WDHD1: variants seen among roughly 807,000 people sequenced by gnomAD.
The protein encoded by WDHD1 is WD repeat and HMG-box DNA binding protein 1.
WDHD1 carries 111 observed loss-of-function variants against 135.4 expected under a neutral mutation model. The ratio of observed to expected loss-of-function variants is 0.82; its 90% CI spans 0.70 to 0.96. WDHD1 has a LOEUF of 0.96. Among genes scored for constraint, WDHD1 ranks in the 40% least tolerant of loss-of-function variants. WDHD1 has a pLI of 0.00. For synonymous variants in WDHD1, 434 were observed against 439.0 expected (o/e 0.99, Z 0.14); for missense variants, 1,351 against 1,336.3 (o/e 1.01, Z -0.17).
chr14:55,003,385 C>T (rs867443659), intron 7 of WDHD1, among the ~76,000 whole-genome samples: 18 of 151,896 alleles, frequency 1.2e-4, no homozygotes, highest in Non-Finnish European at 2.4e-4. Context: ...TGGGCGCGTG[C>T]CTCTAGTCCC....
chr14:55,012,333 A>G (rs1006110602), intron 3 of WDHD1, among the ~76,000 whole-genome samples: 1 of 152,172 alleles, frequency 6.6e-6, no homozygotes, highest in African/African-American at 2.4e-5. Flanking sequence ...TTTTCTACCT[A>G]AACACAATAC....
At chr14:55,008,207 G>A in intron 6 of WDHD1, 109 bp downstream of exon 6, 1 of 1,112,328 alleles carries the variant, frequency 9.0e-7, no homozygotes. Flanking sequence ...TGGTACCAAA[G>A]AAACAAATTC....
chr14:54,983,693 AT>A (rs1308414738), intron 15 of WDHD1, among the ~76,000 whole-genome samples: 18 of 138,996 alleles, frequency 1.3e-4, no homozygotes, highest in Middle Eastern at 3.6e-3. Flanking sequence ...AAAAAAAAAA[AT>A]TTTAAATAGA....
intron 7 of WDHD1, among the ~76,000 whole-genome samples, chr14:55,003,179 G>C (rs1198229291): frequency 6.6e-6 from 1 of 151,920 alleles, no homozygotes; most frequent in African/African-American, 2.4e-5. Flanking sequence ...ATTTCCTTGA[G>C]CTCAATTATC....
rs752764070 is a variant in WDHD1, at chr14:54,987,302, T to C, written c.1612A>G (p.Ile538Val). Reference protein sequence around the residue: ...DLPQNEDIEAICLGQGWAAAA... With the variant: ...DLPQNEDIEAVCLGQGWAAAA... ...GCAGCCCATCCTTGACCGAGACATATGGCTTCAATATCCTCATTCTGAGGC... is the reference window on the plus strand; with the variant it reads ...GCAGCCCATCCTTGACCGAGACATACGGCTTCAATATCCTCATTCTGAGGC... Residue 538 changes from isoleucine to valine, a missense_variant, in exon 14 of 26, where the codon ATA becomes GTA. This residue lies in a region of WDHD1 where 1,330 missense variants were observed against 1,296.1 expected (regional missense o/e 1.03). Coordinates refer to ENST00000360586, the MANE Select transcript of WDHD1 (RefSeq NM_007086.4). 1.3e-5 allele frequency: 21 copies of C among 1,613,954 alleles called. No individual in the cohort carries two copies. The East Asian group carries it at 2.0e-4, about 15-fold the overall frequency.
chr14:54,989,179 T>C lies in WDHD1; in HGVS notation c.1375A>G (p.Asn459Asp), dbSNP rs927768871. ...WNSIGIIRCY[N>D]DEQDNAIDVE... ...TCTATGGCATTGTCTTGCTCATCAT[T>C]ATAGCAGCGAATAATTCCAATAGAG... The change falls in exon 13 of 26, where the codon AAT becomes GAT. Residue 459 changes from asparagine to aspartate, a missense_variant. Asn to Asp is a conservative substitution (Grantham distance 23). This residue lies in a region of WDHD1 where 1,330 missense variants were observed against 1,296.1 expected (regional missense o/e 1.03). Coordinates refer to ENST00000360586, the MANE Select transcript of WDHD1 (RefSeq NM_007086.4). 5.6e-6 allele frequency: 9 copies of C among 1,613,270 alleles called. No individual in the cohort carries two copies. Among genetic ancestry groups the C allele is most frequent in the Admixed American group, 3.3e-5 (2 of 59,948 alleles).
intron 7 of WDHD1, chr14:55,004,999 C>G (rs1595113941): frequency 9.2e-6 from 5 of 543,726 alleles, no homozygotes; most frequent in South Asian, 1.4e-5. Context: ...AACTCAGGAG[C>G]TGGAGTAGTC....
At chr14:55,007,235 A>T (rs1285977953) in intron 7 of WDHD1, 45 bp downstream of exon 7, 33 of 1,339,672 alleles carry the variant, frequency 2.5e-5, no homozygotes, top group South Asian at 1.1e-4. Context: ...CTCTAATAAA[A>T]AAAAAAAAAA....
At chr14:54,986,840 T>C (rs1452252828) in intron 14 of WDHD1, among the ~76,000 whole-genome samples, 3 of 152,170 alleles carry the variant, frequency 2.0e-5, no homozygotes, top group Non-Finnish European at 4.4e-5. Context: ...CCCTTCCTAC[T>C]AGGAGTTATT....
intron 24 of WDHD1, among the ~76,000 whole-genome samples, chr14:54,954,680 T>C (rs183361651): frequency 6.6e-6 from 1 of 152,260 alleles, no homozygotes; most frequent in Non-Finnish European, 1.5e-5. Context: ...CATCCATTTA[T>C]GTATTTACTT....
At chr14:55,014,611 T>C (rs8020660) in intron 2 of WDHD1, among the ~76,000 whole-genome samples, 55 of 152,196 alleles carry the variant, frequency 3.6e-4, no homozygotes, top group Non-Finnish European at 6.8e-4. Context: ...TCATAACTTG[T>C]TTTAAACTTA....
At chr14:54,965,955 TAAA>T (rs11338389) in intron 18 of WDHD1, among the ~76,000 whole-genome samples, 2 of 129,422 alleles carry the variant, frequency 1.5e-5, no homozygotes, top group African/African-American at 5.5e-5. Context: ...AAACTCCGCC[TAAA>T]AAAAAAAAAA....
intron 7 of WDHD1, among the ~76,000 whole-genome samples, chr14:55,003,404 G>A (rs886530222): frequency 5.3e-5 from 8 of 151,812 alleles, no homozygotes; most frequent in African/African-American, 1.7e-4. Flanking sequence ...CCAGCTACTC[G>A]GGTTGGGGGC....
At chr14:54,942,964 A>T (rs184124878) in intron 25 of WDHD1, among the ~76,000 whole-genome samples, 2 of 152,356 alleles carry the variant, frequency 1.3e-5, no homozygotes, top group Admixed American at 1.3e-4. Flanking sequence ...AATGAGAAAC[A>T]TAAAATTGTA....
chr14:54,962,153 T>C (rs2041262639), intron 21 of WDHD1, among the ~76,000 whole-genome samples: 1 of 152,094 alleles, frequency 6.6e-6, no homozygotes, highest in Non-Finnish European at 1.5e-5. Context: ...CTTTTAACTG[T>C]TTCTCCAGTA....
rs766371601 is a variant in WDHD1, at chr14:54,984,838, C to G, written c.1791G>C (p.Gln597His). The change falls in exon 15 of 26, where the codon CAG becomes CAC. Residue 597 changes from glutamine to histidine, a missense_variant. By Grantham distance (24) the Gln-to-His change is conservative. Coordinates refer to ENST00000360586, the MANE Select transcript of WDHD1 (RefSeq NM_007086.4). ...GCTCTAGCAGTTGAACTCCAAGGCA[C>G]TGATCCCCATCAAATCCTGTACCTA... Reference protein sequence around the residue: ...YHRGTGFDGDQCLGVQLLELG... With the variant: ...YHRGTGFDGDHCLGVQLLELG... 1 of 1,612,552 alleles carries G rather than the reference C, an allele frequency of 6.2e-7. No homozygotes were observed. The highest frequency in any genetic ancestry group is 2.2e-5 in the East Asian group (1 of 44,788).
At chr14:55,026,626 C>A in intron 2 of WDHD1, 85 bp downstream of exon 2, 1 of 1,315,948 alleles carries the variant, frequency 7.6e-7, no homozygotes, top group South Asian at 1.2e-5. Flanking sequence ...CCGCATGAGT[C>A]ATTTTTAGCT....
intron 6 of WDHD1, among the ~76,000 whole-genome samples, chr14:55,007,779 A>C (rs538573703): frequency 6.6e-6 from 1 of 152,228 alleles, no homozygotes; most frequent in African/African-American, 2.4e-5. Context: ...ATATTAAGGC[A>C]TATTTGTGGA....
At chr14:54,965,903 C>A (rs1423550604) in intron 18 of WDHD1, among the ~76,000 whole-genome samples, 2 of 151,166 alleles carry the variant, frequency 1.3e-5, no homozygotes, top group African/African-American at 2.4e-5. Flanking sequence ...TTGCAGTAAG[C>A]CAAGACTGCA....
Sources: allele counts gnomAD v4.1 joint callset (sites outside exome capture counted in the v4.1 genomes callset), GRCh38; gene constraint gnomAD v4.1.1; regional missense constraint gnomAD v4.1.1; transcripts MANE v1.5; gene names NCBI Gene and HGNC (gene_info 2026-07-23, HGNC 2026-07-21).